SORCS3: variants seen among roughly 807,000 people sequenced by gnomAD.
SORCS3 encodes the protein VPS10 domain-containing receptor SorCS3.
A neutral mutation model predicts 146.3 loss-of-function variants in SORCS3; 57 were observed. That is an observed-to-expected ratio of 0.39 (90% CI 0.31 to 0.49). The LOEUF (loss-of-function observed/expected upper bound fraction) is 0.49. SORCS3 is among the 20% of genes least tolerant of loss of function. The pLI, the probability that SORCS3 is intolerant of heterozygous loss-of-function variation, is 0.92. For missense variants in SORCS3, 1,341 were observed against 1,575.5 expected (o/e 0.85, Z 2.52); for synonymous variants, 653 against 618.5 (o/e 1.06, Z -0.83).
intron 6 of SORCS3, among the ~76,000 whole-genome samples, chr10:105,091,369 T>G (rs2055703992): frequency 1.2e-5 from 1 of 81,014 alleles, no homozygotes; most frequent in Non-Finnish European, 2.7e-5. Flanking sequence ...CCTCCCTCCC[T>G]CCCTCCTTCC....
At chr10:104,915,484 T>C (rs1248216793) in intron 2 of SORCS3, among the ~76,000 whole-genome samples, 1 of 133,366 alleles carries the variant, frequency 7.5e-6, no homozygotes, top group African/African-American at 2.8e-5. Flanking sequence ...TGGTGGGAAC[T>C]TGTGTGCTTC....
chr10:104,701,336 A>G (rs999180337), intron 1 of SORCS3, among the ~76,000 whole-genome samples: 1 of 152,252 alleles, frequency 6.6e-6, no homozygotes, highest in African/African-American at 2.4e-5. Context: ...AGGAGGGTTA[A>G]GAGATTTTCA....
chr10:105,158,080 C>T (rs528215590), intron 10 of SORCS3, among the ~76,000 whole-genome samples: 1 of 152,232 alleles, frequency 6.6e-6, no homozygotes, highest in Admixed American at 6.5e-5. Context: ...AGCCTTATTC[C>T]ATATAATTTT....
intron 5 of SORCS3, among the ~76,000 whole-genome samples, chr10:105,078,178 A>C (rs1333137032): frequency 1.3e-5 from 2 of 152,190 alleles, no homozygotes; most frequent in Admixed American, 1.3e-4. Context: ...AAATGAATGA[A>C]ATCTGTTTCA....
intron 1 of SORCS3, among the ~76,000 whole-genome samples, chr10:104,700,828 G>A (rs577965627): frequency 3.9e-5 from 6 of 152,336 alleles, no homozygotes; most frequent in African/African-American, 1.4e-4. Flanking sequence ...AACAAAGGAT[G>A]TGAATATCAG....
chr10:104,952,390 C>T (rs1238247328), intron 3 of SORCS3, among the ~76,000 whole-genome samples: 2 of 150,936 alleles, frequency 1.3e-5, no homozygotes, highest in Non-Finnish European at 2.9e-5. Context: ...AACTTCTAAG[C>T]GTGTTAGAAG....
intron 1 of SORCS3, among the ~76,000 whole-genome samples, chr10:104,685,438 G>C (rs540187405): frequency 1.3e-5 from 2 of 152,120 alleles, no homozygotes; most frequent in Non-Finnish European, 2.9e-5. Flanking sequence ...CCATGAACCT[G>C]GGATCAGCTC....
chr10:104,721,163 A>G (rs1243902602), intron 1 of SORCS3, among the ~76,000 whole-genome samples: 1 of 152,204 alleles, frequency 6.6e-6, no homozygotes, highest in African/African-American at 2.4e-5. Context: ...ATAAGGTGTA[A>G]GGAAGGGATC....
intron 5 of SORCS3, among the ~76,000 whole-genome samples, chr10:105,083,275 G>C (rs1294524802): frequency 6.6e-6 from 1 of 150,862 alleles, no homozygotes; most frequent in Non-Finnish European, 1.5e-5. Flanking sequence ...TTTTTTTCAG[G>C]CAGTTTTAAT....
intron 3 of SORCS3, among the ~76,000 whole-genome samples, chr10:104,965,366 G>C (rs2054820737): frequency 6.6e-6 from 1 of 152,108 alleles, no homozygotes; most frequent in Admixed American, 6.6e-5. Context: ...GTCAGTTCTT[G>C]GTACTCATCT....
intron 1 of SORCS3, among the ~76,000 whole-genome samples, chr10:104,757,866 C>A (rs993874734): frequency 7.5e-5 from 1 of 13,418 alleles, no homozygotes; most frequent in Non-Finnish European, 2.0e-4. Context: ...CACCCCCCCC[C>A]CCACACCCGC....
chr10:105,157,301 C>A lies in SORCS3; in HGVS notation c.1629+17C>A. ...TGCCTGCTGGTCAGTCACTCAGCCT[C>A]ATGGGAAGTTCACAGGGCAGGCTGG... On this transcript the variant is annotated intron_variant, in intron 10 of 26. Coordinates refer to ENST00000369701, the MANE Select transcript of SORCS3 (RefSeq NM_014978.3). The A allele has an allele frequency of 6.2e-7, 1 of 1,613,102 alleles. No individual in the cohort carries two copies. Among genetic ancestry groups the A allele is most frequent in the Non-Finnish European group, 8.5e-7 (1 of 1,179,314 alleles).
At chr10:104,900,765 G>A (rs556600490) in intron 2 of SORCS3, among the ~76,000 whole-genome samples, 196 of 151,892 alleles carry the variant, frequency 1.3e-3, no homozygotes, top group Middle Eastern at 0.01. Context: ...GTGGTGGCAC[G>A]CACCTGTAAT....
At chr10:105,004,238 T>C (rs1405244622) in intron 4 of SORCS3, among the ~76,000 whole-genome samples, 2 of 152,182 alleles carry the variant, frequency 1.3e-5, no homozygotes, top group Admixed American at 1.3e-4. Flanking sequence ...GCTTTGATGC[T>C]GTACCAGCCA....
At chr10:105,114,182 G>A (rs1003858430) in intron 7 of SORCS3, among the ~76,000 whole-genome samples, 1 of 152,114 alleles carries the variant, frequency 6.6e-6, no homozygotes, top group South Asian at 2.1e-4. Flanking sequence ...AGTGGATTGT[G>A]TGAAACCCTG....
intron 4 of SORCS3, among the ~76,000 whole-genome samples, chr10:105,013,867 G>C (rs2055148794): frequency 6.6e-6 from 1 of 151,848 alleles, no homozygotes; most frequent in African/African-American, 2.4e-5. Flanking sequence ...GAGCAAACCA[G>C]ACTCACCTGA....
intron 1 of SORCS3, among the ~76,000 whole-genome samples, chr10:104,705,216 C>G (rs1254987303): frequency 7.6e-6 from 1 of 132,150 alleles, no homozygotes; most frequent in South Asian, 2.5e-4. Context: ...TTGATATGGG[C>G]AGGCCTTCGT....
At chr10:105,075,328 G>A (rs183749434) in intron 5 of SORCS3, among the ~76,000 whole-genome samples, 14 of 152,292 alleles carry the variant, frequency 9.2e-5, no homozygotes, top group Middle Eastern at 6.8e-3. Flanking sequence ...TGGAATGGGA[G>A]CAATGATGTC....
chr10:105,166,070 A>G (rs2056310046), intron 12 of SORCS3, among the ~76,000 whole-genome samples: 2 of 152,194 alleles, frequency 1.3e-5, no homozygotes, highest in South Asian at 2.1e-4. Flanking sequence ...TATCTGGAAT[A>G]TAAGTGAATC....
Sources: gnomAD v4.1 joint callset for allele counts (sites outside exome capture counted in the v4.1 genomes callset) on GRCh38, gnomAD v4.1.1 for gene constraint, MANE v1.5 for transcripts, NCBI Gene and HGNC (gene_info 2026-07-23, HGNC 2026-07-21) for gene names.